Variants in ZFX observed in about 807,000 individuals in gnomAD.
ZFX encodes zinc finger X-chromosomal protein.
For synonymous variants in ZFX, 196 were observed against 226.8 expected (o/e 0.86, Z 1.22); for missense variants, 362 against 628.3 (o/e 0.58, Z 4.53).
intron 1 of ZFX, chrX:24,151,423 T>C (rs1032971216): frequency 4.5e-5 from 5 of 111,626 alleles, no homozygotes. Context: ...TAGGACTTTG[T>C]TAGGTAGAGG....
At chrX:24,199,315 C>T (rs1937134163) in intron 5 of ZFX, among the ~76,000 whole-genome samples, 1 of 109,148 alleles carries the variant, frequency 9.2e-6, no homozygotes. Flanking sequence ...AGTGCAGTGG[C>T]ACAATCACAG....
At chrX:24,173,861 A>G in intron 4 of ZFX, 3 of 372,285 alleles carry the variant, frequency 8.1e-6, no homozygotes, top group East Asian at 4.3e-5. Context: ...TCCTATAAGT[A>G]TTGGGATTAC....
intron 5 of ZFX, among the ~76,000 whole-genome samples, chrX:24,185,380 A>G (rs1936026711): frequency 8.9e-6 from 1 of 112,259 alleles, no homozygotes; most frequent in Non-Finnish European, 1.9e-5. Flanking sequence ...AAACCAATTG[A>G]ACACTTTAGA....
intron 5 of ZFX, among the ~76,000 whole-genome samples, chrX:24,204,138 A>T (rs2238926): frequency 0.37 from 40,895 of 110,798 alleles, 5,605 homozygotes; most frequent in South Asian, 0.63. Context: ...GAGTTTGGGA[A>T]TCTTGAACTT....
chrX:24,154,120 C>A (rs1486338874), intron 3 of ZFX, among the ~76,000 whole-genome samples: 1 of 111,668 alleles, frequency 9.0e-6, no homozygotes, highest in Non-Finnish European at 1.9e-5. Context: ...ATTGTGTGGC[C>A]TTGAGGTACA....
intron 3 of ZFX, among the ~76,000 whole-genome samples, chrX:24,166,521 T>C (rs1321860326): frequency 1.8e-5 from 2 of 112,447 alleles, no homozygotes; most frequent in Admixed American, 9.4e-5. Context: ...ATATCGATTA[T>C]ATACATTTTC....
chrX:24,187,904 T>G (rs1936255663), intron 5 of ZFX, among the ~76,000 whole-genome samples: 1 of 111,334 alleles, frequency 9.0e-6, no homozygotes, highest in Non-Finnish European at 1.9e-5. Context: ...CTGGGCACGG[T>G]GACTCACGCC....
At chrX:24,177,515 G>C (rs1444999000) in intron 4 of ZFX, among the ~76,000 whole-genome samples, 4 of 111,252 alleles carry the variant, frequency 3.6e-5, no homozygotes, top group Non-Finnish European at 7.5e-5. Context: ...CCCTGGTGAA[G>C]TTGGGGCAGC....
intron 3 of ZFX, among the ~76,000 whole-genome samples, chrX:24,168,247 T>A (rs1934196586): frequency 8.9e-6 from 1 of 112,621 alleles, no homozygotes; most frequent in South Asian, 3.6e-4. Flanking sequence ...CTACCATGTA[T>A]AATAAAATTT....
At chrX:24,156,612 G>C (rs914350970) in intron 3 of ZFX, among the ~76,000 whole-genome samples, 2 of 108,239 alleles carry the variant, frequency 1.8e-5, no homozygotes, top group Admixed American at 9.9e-5. Context: ...GGTTTCATTG[G>C]TCTGTTTGCC....
chrX:24,178,261 G>C (rs1935337154), intron 4 of ZFX, among the ~76,000 whole-genome samples: 1 of 105,710 alleles, frequency 9.5e-6, no homozygotes, highest in African/African-American at 3.5e-5. Context: ...CTTCCCTTAA[G>C]TACCTATGTG....
intron 4 of ZFX, among the ~76,000 whole-genome samples, chrX:24,174,994 C>T (rs1221759121): frequency 6.3e-5 from 7 of 111,892 alleles, no homozygotes. Flanking sequence ...AGCCACTGTG[C>T]TCGGTCAAAT....
intron 5 of ZFX, among the ~76,000 whole-genome samples, chrX:24,188,306 TCCTC>T (rs2147804875): frequency 9.0e-6 from 1 of 111,523 alleles, no homozygotes; most frequent in South Asian, 3.7e-4. Flanking sequence ...CTATTCATTT[TCCTC>T]CCTCCTGTAT....
chrX:24,166,890 C>G (rs1934053422), intron 3 of ZFX, among the ~76,000 whole-genome samples: 1 of 111,815 alleles, frequency 8.9e-6, no homozygotes, highest in Non-Finnish European at 1.9e-5. Flanking sequence ...AACGTGTGAC[C>G]TTATTCAGAA....
chrX:24,164,259 T>C (rs1356882516), intron 3 of ZFX, among the ~76,000 whole-genome samples: 1 of 111,662 alleles, frequency 9.0e-6, no homozygotes, highest in Non-Finnish European at 1.9e-5. Context: ...CTTGTTCTTT[T>C]CTTTTATTAT....
intron 4 of ZFX, among the ~76,000 whole-genome samples, chrX:24,176,518 C>T (rs896674450): frequency 1.7e-4 from 17 of 100,602 alleles, no homozygotes; most frequent in African/African-American, 6.3e-4. Context: ...ATGCAACCTC[C>T]GTCTCCTGGG....
chrX:24,204,225 A>G (rs1246749061), intron 5 of ZFX, among the ~76,000 whole-genome samples: 1 of 112,422 alleles, frequency 8.9e-6, no homozygotes, highest in Non-Finnish European at 1.9e-5. Context: ...GCCATTTTCA[A>G]GCTTTTCTTT....
intron 6 of ZFX, 37 bp from the exon 7 acceptor site, chrX:24,207,656 GTGGAAATGCAGTTTTCAAA>G (rs1201842374): frequency 8.5e-7 from 1 of 1,171,283 alleles, no homozygotes; most frequent in Non-Finnish European, 1.1e-6. Context: ...AAAGAAATAG[GTGGAAATGCAGTTTTCAAA>G]TAAATTATTG....
chrX:24,163,258 CTTTTTTT>C (rs57785204), intron 3 of ZFX, among the ~76,000 whole-genome samples: 1 of 48,163 alleles, frequency 2.1e-5, no homozygotes. Flanking sequence ...CATGGATGTG[CTTTTTTT>C]TTTTTTTTTT....
Sources: allele counts gnomAD v4.1 joint callset (sites outside exome capture counted in the v4.1 genomes callset), GRCh38; gene constraint gnomAD v4.1.1; transcripts MANE v1.5; gene names NCBI Gene and HGNC (gene_info 2026-07-23, HGNC 2026-07-21).